AGPS: variants seen among roughly 807,000 people sequenced by gnomAD.
AGPS encodes alkylglycerone phosphate synthase.
In AGPS, 26 loss-of-function variants were observed where a neutral mutation model predicts 90.7. That is an observed-to-expected ratio of 0.29 (90% CI 0.21 to 0.40). The LOEUF is 0.40. Among genes scored for constraint, AGPS ranks in the 10% least tolerant of loss-of-function variants. AGPS has a pLI of 1.00. For synonymous variants in AGPS, 294 were observed against 285.3 expected, an observed-to-expected ratio of 1.03 and a Z score of -0.31; for missense variants, 540 against 816.1, an observed-to-expected ratio of 0.66 and a Z score of 4.12.
intron 1 of AGPS, 66 bp from the exon 2 acceptor site, chr2:177,420,203 T>C (rs1163178241): frequency 4.0e-6 from 4 of 999,946 alleles, no homozygotes; most frequent in Non-Finnish European, 6.4e-6. Context: ...TAATAATCAA[T>C]GATATACTGT....
chr2:177,519,197 C>T (rs1689109046), intron 17 of AGPS, among the ~76,000 whole-genome samples: 1 of 152,106 alleles, frequency 6.6e-6, no homozygotes, highest in Admixed American at 6.5e-5. Context: ...TCTGGTTCCT[C>T]TACTCATGGA....
intron 1 of AGPS, among the ~76,000 whole-genome samples, chr2:177,409,762 T>A (rs1685567989): frequency 6.6e-6 from 1 of 152,110 alleles, no homozygotes; most frequent in South Asian, 2.1e-4. Context: ...CCGCAGTAGT[T>A]CAAATGCATC....
At chr2:177,450,314 A>C (rs1055107107) in intron 8 of AGPS, among the ~76,000 whole-genome samples, 22 of 152,086 alleles carry the variant, frequency 1.4e-4, no homozygotes, top group Admixed American at 3.9e-4. Flanking sequence ...TTTAATTTTT[A>C]TGAAGCCCAG....
Position 177,493,083 on chromosome 2 carries a change from A to C in AGPS, c.1234-65A>C, listed in dbSNP as rs376354540. 1.5e-5 allele frequency: 21 copies of C among 1,378,280 alleles called. No individual in the cohort carries two copies. The East Asian group carries it at 4.4e-4, about 29-fold the overall frequency. 85.4% of individuals were successfully genotyped at this position (1,378,280 alleles called of 1,614,324 possible). A position where few individuals can be genotyped will look rare whatever the true frequency, so the allele number is the denominator to read the frequency against. On this transcript the variant is annotated intron_variant, in intron 11 of 19. Transcript: ENST00000264167. ...TTAAATATAGAAAGATAATATTCACATTCTACCTGTCTAGCTTCTTACTGT... is the reference window on the plus strand; with the variant it reads ...TTAAATATAGAAAGATAATATTCACCTTCTACCTGTCTAGCTTCTTACTGT...
At chr2:177,435,017 A>ATATG (rs1686360675) in intron 3 of AGPS, among the ~76,000 whole-genome samples, 2 of 146,914 alleles carry the variant, frequency 1.4e-5, no homozygotes, top group African/African-American at 4.9e-5. Context: ...ATATATATAT[A>ATATG]TATATATGTA....
intron 1 of AGPS, among the ~76,000 whole-genome samples, chr2:177,420,057 C>G (rs1685902091): frequency 6.6e-6 from 1 of 151,652 alleles, no homozygotes; most frequent in Admixed American, 6.6e-5. Flanking sequence ...GGTTGTAGCC[C>G]TCTGTGAAGC....
intron 1 of AGPS, among the ~76,000 whole-genome samples, chr2:177,412,562 T>C (rs191838677): frequency 6.6e-6 from 1 of 152,244 alleles, no homozygotes; most frequent in Admixed American, 6.5e-5. Context: ...GCACCCTGTA[T>C]TTTCCTCTGA....
chr2:177,469,204 C>T (rs752063086), intron 10 of AGPS, among the ~76,000 whole-genome samples: 21 of 151,976 alleles, frequency 1.4e-4, no homozygotes, highest in Admixed American at 5.2e-4. Context: ...GAGGGACATT[C>T]CTTAAATTCA....
chr2:177,398,623 T>G (rs918611981), intron 1 of AGPS, among the ~76,000 whole-genome samples: 1 of 152,248 alleles, frequency 6.6e-6, no homozygotes, highest in Non-Finnish European at 1.5e-5. Context: ...TTTGTCATGC[T>G]AAGTTTCAAA....
At chr2:177,435,039 A>T (rs2105627841) in intron 3 of AGPS, among the ~76,000 whole-genome samples, 1 of 144,174 alleles carries the variant, frequency 6.9e-6, no homozygotes, top group Admixed American at 6.9e-5. Flanking sequence ...GAAACTAATG[A>T]AATATTTAGC....
intron 19 of AGPS, among the ~76,000 whole-genome samples, chr2:177,527,800 G>C (rs1001961125): frequency 6.6e-6 from 1 of 152,096 alleles, no homozygotes; most frequent in Non-Finnish European, 1.5e-5. Context: ...ATCTAGCAAC[G>C]TTTGATGGCA....
chr2:177,499,626 A>G lies in AGPS; in HGVS notation c.1371A>G (p.Gly457=). ...TTTTTTTTTTTTTGTAGTTTAAAGG[A>G]TTTGACCCAAATCAGCTAAGTGTAG... ...LKKFYITKFK[G]FDPNQLSVAT... The change falls in exon 14 of 20, where the codon GGA becomes GGG. Residue 457 remains glycine (G), a synonymous_variant. Coordinates refer to ENST00000264167, the MANE Select transcript of AGPS (RefSeq NM_003659.4). The G allele has an allele frequency of 6.2e-7, 1 of 1,603,380 alleles. No individual in the cohort carries two copies. The highest frequency in any genetic ancestry group is 8.5e-7 in the Non-Finnish European group (1 of 1,173,250).
chr2:177,490,399 C>A (rs1247575614), intron 11 of AGPS, among the ~76,000 whole-genome samples: 2 of 152,036 alleles, frequency 1.3e-5, no homozygotes, highest in African/African-American at 4.8e-5. Flanking sequence ...AAATCTGGTA[C>A]TATTGAAGTA....
chr2:177,528,132 A>C (rs1282049911), intron 19 of AGPS, among the ~76,000 whole-genome samples: 1 of 152,140 alleles, frequency 6.6e-6, no homozygotes, highest in Non-Finnish European at 1.5e-5. Context: ...TGATTATCTC[A>C]AGTTTCACAA....
chr2:177,441,707 T>C (rs1401671915), intron 6 of AGPS, among the ~76,000 whole-genome samples: 1 of 152,178 alleles, frequency 6.6e-6, no homozygotes, highest in East Asian at 1.9e-4. Flanking sequence ...GAAGTATCAG[T>C]CAAGAATTTA....
chr2:177,494,507 T>C (rs1345864053), intron 12 of AGPS, among the ~76,000 whole-genome samples: 1 of 150,678 alleles, frequency 6.6e-6, no homozygotes, highest in East Asian at 1.9e-4. Context: ...TATTCGTTTA[T>C]ATGTTATTGT....
intron 1 of AGPS, among the ~76,000 whole-genome samples, chr2:177,406,415 A>AAATT (rs1017848188): frequency 3.0e-4 from 45 of 152,334 alleles, no homozygotes; most frequent in African/African-American, 9.9e-4. Flanking sequence ...AAAGAGCCAT[A>AAATT]AATTCTTGAA....
intron 2 of AGPS, among the ~76,000 whole-genome samples, chr2:177,429,267 TC>T (rs1178419968): frequency 6.6e-6 from 1 of 152,190 alleles, no homozygotes; most frequent in Non-Finnish European, 1.5e-5. Context: ...TTCCTTTAGC[TC>T]AGCGAAGTTC....
intron 14 of AGPS, among the ~76,000 whole-genome samples, chr2:177,504,995 TG>T (rs1300857723): frequency 6.6e-6 from 1 of 152,030 alleles, no homozygotes; most frequent in Non-Finnish European, 1.5e-5. Context: ...TTACCTGTGT[TG>T]GTCTTGTGTT....
Sources: gnomAD v4.1 joint callset for allele counts (sites outside exome capture counted in the v4.1 genomes callset) on GRCh38, gnomAD v4.1.1 for gene constraint, MANE v1.5 for transcripts, NCBI Gene and HGNC (gene_info 2026-07-23, HGNC 2026-07-21) for gene names.